The following MSRA variants were observed in gnomAD, a reference collection of about 807,000 sequenced individuals.
The protein encoded by MSRA is methionine sulfoxide reductase A.
Under a neutral mutation model 31.3 loss-of-function variants are expected in MSRA, and 54 were observed. The ratio of observed to expected loss-of-function variants is 1.73; its 90% CI spans 1.39 to 2.17. The LOEUF (loss-of-function observed/expected upper bound fraction) is 2.17. Ranked by LOEUF, MSRA falls within the 30% of genes most tolerant of loss-of-function variation. The pLI is 0.00. For missense variants in MSRA, 507 were observed against 300.9 expected (o/e 1.69, Z -5.07); for synonymous variants, 169 against 116.5 (o/e 1.45, Z -2.90).
intron 3 of MSRA, chr8:10,250,769 A>C: frequency 2.9e-6 from 1 of 346,780 alleles, no homozygotes. Context: ...TCCTGTCCTG[A>C]GCCCGTTTCC....
intron 1 of MSRA, among the ~76,000 whole-genome samples, chr8:10,112,414 GTTA>G (rs1208216127): frequency 4.6e-5 from 7 of 152,336 alleles, no homozygotes; most frequent in African/African-American, 1.7e-4. Flanking sequence ...AGGAAAAGCT[GTTA>G]ACATTCTTAC....
chr8:10,260,039 C>T (rs562474396), intron 3 of MSRA, among the ~76,000 whole-genome samples: 208 of 152,298 alleles, frequency 1.4e-3, no homozygotes, highest in African/African-American at 4.7e-3. Context: ...GGAGCAGTTC[C>T]GGGAAAGAGA....
intron 1 of MSRA, among the ~76,000 whole-genome samples, chr8:10,089,073 G>A (rs1798728336): frequency 6.6e-6 from 1 of 152,064 alleles, no homozygotes; most frequent in African/African-American, 2.4e-5. Context: ...TGTACATCAT[G>A]ACTAAAGTTA....
chr8:10,183,217 G>C (rs537485590), intron 1 of MSRA, among the ~76,000 whole-genome samples: 2 of 152,156 alleles, frequency 1.3e-5, no homozygotes, highest in Non-Finnish European at 2.9e-5. Context: ...AGCCAGGAGA[G>C]TGTCATTTTA....
At chr8:10,200,666 C>T (rs1160902616) in intron 1 of MSRA, among the ~76,000 whole-genome samples, 1 of 152,154 alleles carries the variant, frequency 6.6e-6, no homozygotes, top group Non-Finnish European at 1.5e-5. Flanking sequence ...ATGTTTGTCC[C>T]CACGTAGCCT....
intron 2 of MSRA, among the ~76,000 whole-genome samples, chr8:10,234,060 A>G (rs1811727222): frequency 6.6e-6 from 1 of 152,202 alleles, no homozygotes; most frequent in African/African-American, 2.4e-5. Context: ...AGCTAAACTT[A>G]CATTCGATAG....
intron 1 of MSRA, among the ~76,000 whole-genome samples, chr8:10,088,046 A>C (rs371405735): frequency 2.4e-4 from 37 of 152,284 alleles, no homozygotes; most frequent in African/African-American, 8.4e-4. Flanking sequence ...AAAGCCCTGA[A>C]GCATCTGGGG....
intron 1 of MSRA, among the ~76,000 whole-genome samples, chr8:10,083,826 G>C (rs963217275): frequency 2.0e-5 from 3 of 152,128 alleles, no homozygotes; most frequent in African/African-American, 7.2e-5. Flanking sequence ...AGACCTGTCA[G>C]AGCTTGGAAA....
At chr8:10,207,699 C>G in intron 1 of MSRA, 134 bp from the exon 2 acceptor site, 1 of 683,250 alleles carries the variant, frequency 1.5e-6, no homozygotes, top group Non-Finnish European at 2.3e-6. Context: ...ATAATTGAAG[C>G]TCTCTTCAGA....
intron 1 of MSRA, among the ~76,000 whole-genome samples, chr8:10,066,432 C>G (rs1046245784): frequency 3.3e-5 from 5 of 152,228 alleles, no homozygotes; most frequent in Non-Finnish European, 5.9e-5. Flanking sequence ...CACACACACG[C>G]ACAATTGTTG....
At chr8:10,226,730 TG>T (rs1310351720) in intron 2 of MSRA, among the ~76,000 whole-genome samples, 2 of 151,752 alleles carry the variant, frequency 1.3e-5, no homozygotes, top group Non-Finnish European at 2.9e-5. Flanking sequence ...TTTGTTTGTT[TG>T]TTTTTTGTTT....
chr8:10,341,419 A>G (rs1304758713), intron 5 of MSRA, among the ~76,000 whole-genome samples: 1 of 152,178 alleles, frequency 6.6e-6, no homozygotes, highest in African/African-American at 2.4e-5. Context: ...AAGCCGACTT[A>G]TCACCAAAGA....
At chr8:10,203,129 G>T (rs1355950884) in intron 1 of MSRA, among the ~76,000 whole-genome samples, 1 of 152,078 alleles carries the variant, frequency 6.6e-6, no homozygotes, top group Non-Finnish European at 1.5e-5. Flanking sequence ...ACAAGACAAA[G>T]CCGCCAGGGA....
chr8:10,196,968 T>C (rs942969202), intron 1 of MSRA, among the ~76,000 whole-genome samples: 2 of 152,208 alleles, frequency 1.3e-5, no homozygotes. Context: ...AAAATATGTT[T>C]TAGACTCAAT....
intron 1 of MSRA, among the ~76,000 whole-genome samples, chr8:10,084,166 A>G (rs1412891170): frequency 6.6e-6 from 1 of 152,212 alleles, no homozygotes; most frequent in East Asian, 1.9e-4. Flanking sequence ...CGACTTGTCC[A>G]CGCTTCCAAG....
intron 5 of MSRA, among the ~76,000 whole-genome samples, chr8:10,413,115 G>A (rs77998171): frequency 2.0e-5 from 3 of 152,226 alleles, no homozygotes; most frequent in African/African-American, 4.8e-5. Flanking sequence ...TGAGGAATGC[G>A]TATGCCCAGG....
intron 5 of MSRA, among the ~76,000 whole-genome samples, chr8:10,371,936 C>T (rs556625917): frequency 4.6e-5 from 7 of 152,338 alleles, no homozygotes; most frequent in African/African-American, 1.4e-4. Context: ...TCTTTCCTTA[C>T]ACATGAGAAA....
At chr8:10,164,849 G>A (rs1346120933) in intron 1 of MSRA, among the ~76,000 whole-genome samples, 2 of 152,102 alleles carry the variant, frequency 1.3e-5, no homozygotes, top group African/African-American at 4.8e-5. Flanking sequence ...CCAACATAGT[G>A]AAACCCTGTC....
At chr8:10,116,613 C>T (rs1800699799) in intron 1 of MSRA, among the ~76,000 whole-genome samples, 2 of 152,126 alleles carry the variant, frequency 1.3e-5, no homozygotes, top group Admixed American at 1.3e-4. Context: ...TCGATAGACA[C>T]CTAGGATGCT....
Sources: gnomAD v4.1 joint callset for allele counts (sites outside exome capture counted in the v4.1 genomes callset) on GRCh38, gnomAD v4.1.1 for gene constraint, MANE v1.5 for transcripts, NCBI Gene and HGNC (gene_info 2026-07-23, HGNC 2026-07-21) for gene names.